ANKRD45: variants seen among roughly 807,000 people sequenced by gnomAD.
ANKRD45 encodes ankyrin repeat domain 45.
A neutral mutation model predicts 28.1 loss-of-function variants in ANKRD45; 21 were observed. That is an observed-to-expected ratio of 0.75 (90% CI 0.53 to 1.08). The LOEUF is 1.08. Among genes scored for constraint, ANKRD45 ranks in the 50% least tolerant of loss-of-function variants. ANKRD45 has a pLI of 0.00. For synonymous variants in ANKRD45, 86 were observed against 103.9 expected (o/e 0.83, Z 1.05); for missense variants, 261 against 308.7 (o/e 0.85, Z 1.16).
At chr1:173,626,704 G>C (rs1571706272) in intron 4 of ANKRD45, among the ~76,000 whole-genome samples, 1 of 151,396 alleles carries the variant, frequency 6.6e-6, no homozygotes, top group East Asian at 1.9e-4. Flanking sequence ...CCCATATGTA[G>C]GCATCCCTAA....
chr1:173,637,965 C>A (rs895275336), intron 3 of ANKRD45, among the ~76,000 whole-genome samples: 1 of 152,158 alleles, frequency 6.6e-6, no homozygotes, highest in Non-Finnish European at 1.5e-5. Context: ...TAGTTGGATT[C>A]TCAGCAACGC....
the ANKRD45 span, among the ~76,000 whole-genome samples, chr1:173,701,787 A>T: frequency 6.6e-6 from 1 of 152,212 alleles, no homozygotes; most frequent in African/African-American, 2.4e-5. Context: ...CACATTGTGC[A>T]CATGTACCCT....
At chr1:173,689,957 T>C in the ANKRD45 span, among the ~76,000 whole-genome samples, 4 of 150,744 alleles carry the variant, frequency 2.7e-5, no homozygotes, top group Non-Finnish European at 2.9e-5. Context: ...ATAACTGAGG[T>C]CCTAAGAATT....
intron 1 of ANKRD45, among the ~76,000 whole-genome samples, chr1:173,667,479 G>A (rs1485877120): frequency 2.0e-5 from 3 of 151,998 alleles, no homozygotes; most frequent in Admixed American, 6.6e-5. Context: ...TGAGGTGGGC[G>A]GATCACAAGG....
the ANKRD45 span, among the ~76,000 whole-genome samples, chr1:173,699,507 G>A: frequency 6.6e-6 from 1 of 151,844 alleles, no homozygotes; most frequent in African/African-American, 2.4e-5. Flanking sequence ...GGGATGCAAG[G>A]CTGGTTCCAC....
At chr1:173,657,282 C>T (rs923194215) in intron 2 of ANKRD45, 6 of 265,054 alleles carry the variant, frequency 2.3e-5, no homozygotes, top group Non-Finnish European at 3.2e-5. Flanking sequence ...GCCTGGCCAA[C>T]GTGGCAAAAC....
In ANKRD45 at chr1:173,608,817, AGAG is replaced by A. The variant is rs994841092; in HGVS notation, c.*1325_*1327del. ...GGAAGAAGAAGGAGTTGGAGAGGGA[AGAG>A]GAGGAGGAGAGAGAAGAGGAGGGGG... On this transcript the variant is annotated 3_prime_UTR_variant, in exon 6 of 6. Coordinates refer to ENST00000333279, the MANE Select transcript of ANKRD45 (RefSeq NM_198493.3). 7.7e-6 allele frequency among the ~76,000 whole-genome samples: 1 copy of A among 129,064 alleles called. No homozygotes were observed. The highest frequency in any genetic ancestry group is 3.0e-5 in the African/African-American group (1 of 33,652). 84.7% of individuals were successfully genotyped at this position (129,064 alleles called of 152,430 possible). A position where few individuals can be genotyped will look rare whatever the true frequency, so the allele number is the denominator to read the frequency against.
chr1:173,623,906 T>C (rs1434818016), intron 5 of ANKRD45, among the ~76,000 whole-genome samples: 1 of 129,012 alleles, frequency 7.8e-6, no homozygotes, highest in Admixed American at 1.0e-4. Context: ...GGGAGCTGAA[T>C]GATGAGAACA....
intron 2 of ANKRD45, among the ~76,000 whole-genome samples, chr1:173,653,850 T>C (rs1423175566): frequency 6.6e-6 from 1 of 152,062 alleles, no homozygotes; most frequent in East Asian, 1.9e-4. Context: ...TACCATTATG[T>C]AATAGCCTTA....
the ANKRD45 span, among the ~76,000 whole-genome samples, chr1:173,704,808 A>G: frequency 6.6e-6 from 1 of 152,166 alleles, no homozygotes; most frequent in Non-Finnish European, 1.5e-5. Context: ...TCTGAGATGG[A>G]GTTTAGTATG....
At chr1:173,696,528 G>A in the ANKRD45 span, among the ~76,000 whole-genome samples, 148 of 152,224 alleles carry the variant, frequency 9.7e-4, no homozygotes, top group South Asian at 0.021. Flanking sequence ...ACTGAATAGG[G>A]AGCCCTTTTC....
chr1:173,669,884 T>A (rs558564849), upstream of ANKRD45: 60 of 169,632 alleles, frequency 3.5e-4, no homozygotes, highest in Middle Eastern at 5.2e-4. Flanking sequence ...CGCCTCCTCC[T>A]GCGCCGCGGT....
At chr1:173,702,625 T>G in the ANKRD45 span, among the ~76,000 whole-genome samples, 5 of 150,614 alleles carry the variant, frequency 3.3e-5, no homozygotes, top group African/African-American at 1.2e-4. Flanking sequence ...AGGTAGGGGG[T>G]AAGTGCCATG....
At chr1:173,651,518 A>G (rs777740181) in intron 2 of ANKRD45, among the ~76,000 whole-genome samples, 28 of 152,186 alleles carry the variant, frequency 1.8e-4, no homozygotes, top group Non-Finnish European at 3.7e-4. Flanking sequence ...GTTTGAAGTT[A>G]GGTAGCATGA....
the ANKRD45 span, among the ~76,000 whole-genome samples, chr1:173,697,862 C>T: frequency 2.6e-5 from 4 of 152,082 alleles, no homozygotes; most frequent in African/African-American, 9.7e-5. Context: ...TTAAAAGACA[C>T]AGACTAGCAA....
At chr1:173,668,298 G>T (rs941484718) in intron 1 of ANKRD45, among the ~76,000 whole-genome samples, 3 of 152,146 alleles carry the variant, frequency 2.0e-5, no homozygotes, top group African/African-American at 4.8e-5. Context: ...GGGAGGGAGG[G>T]CTGTGGTGCA....
intron 5 of ANKRD45, among the ~76,000 whole-genome samples, chr1:173,618,691 A>T (rs1667573163): frequency 6.6e-6 from 1 of 152,210 alleles, no homozygotes; most frequent in Non-Finnish European, 1.5e-5. Context: ...CGGGGAGAAT[A>T]AAACCAAGTT....
the ANKRD45 span, among the ~76,000 whole-genome samples, chr1:173,696,625 G>A: frequency 6.6e-6 from 1 of 152,050 alleles, no homozygotes; most frequent in Non-Finnish European, 1.5e-5. Context: ...CTGTTCCATT[G>A]GTCTATGGGT....
At chr1:173,631,552 A>G (rs1366692964) in intron 3 of ANKRD45, among the ~76,000 whole-genome samples, 2 of 152,170 alleles carry the variant, frequency 1.3e-5, no homozygotes, top group East Asian at 1.9e-4. Context: ...TACTCAGCAC[A>G]TGGATCATTC....
Sources: allele counts gnomAD v4.1 joint callset (sites outside exome capture counted in the v4.1 genomes callset), GRCh38; gene constraint gnomAD v4.1.1; transcripts MANE v1.5; gene names NCBI Gene and HGNC (gene_info 2026-07-23, HGNC 2026-07-21).